The following ADK variants were observed in gnomAD, a reference collection of about 807,000 sequenced individuals.
The protein encoded by ADK is N6,N6-dimethyladenosine kinase.
In ADK, 24 loss-of-function variants were observed where a neutral mutation model predicts 44.7. That is an observed-to-expected ratio of 0.54 (90% confidence interval 0.39 to 0.76). The LOEUF (loss-of-function observed/expected upper bound fraction) is 0.76. Ranked by LOEUF, ADK falls within the 30% of genes least tolerant of loss-of-function variation. The pLI is 0.00. For synonymous variants in ADK, 128 were observed against 142.6 expected (o/e 0.90, Z 0.73); for missense variants, 321 against 425.1 (o/e 0.76, Z 2.15).
rs75174804 is a variant in ADK, at chr10:74,629,376, A to G, written c.877+28883A>G. On this transcript the variant is annotated intron_variant, in intron 9 of 10. Coordinates refer to ENST00000539909, the MANE Select transcript of ADK (RefSeq NM_006721.4). ...CTTAGAACTGTTACCCCAACTGTAT[A>G]AGTAAGTGCATCCTTAACTATCAAG... 5.9e-5 allele frequency among the ~76,000 whole-genome samples: 9 copies of G among 152,244 alleles called. No individual in the cohort carries two copies. In the East Asian group the frequency reaches 1.7e-3, roughly 29 times the overall value.
chr10:74,610,188 C>T (rs1178462511), intron 9 of ADK, among the ~76,000 whole-genome samples: 1 of 152,016 alleles, frequency 6.6e-6, no homozygotes, highest in Non-Finnish European at 1.5e-5. Context: ...AGCAGATGAA[C>T]AGATAAATAA....
At chr10:74,363,650 C>T (rs2131950423) in intron 4 of ADK, among the ~76,000 whole-genome samples, 1 of 152,110 alleles carries the variant, frequency 6.6e-6, no homozygotes, top group African/African-American at 2.4e-5. Flanking sequence ...TTCCTGGTTG[C>T]AGCAGGAAAG....
chr10:74,262,488 T>C (rs1846074373), intron 3 of ADK, among the ~76,000 whole-genome samples: 3 of 152,168 alleles, frequency 2.0e-5, no homozygotes, highest in Admixed American at 2.0e-4. Context: ...TTTGAGATTC[T>C]CCTACCTGAA....
At chr10:74,230,692 T>C (rs1424721117) in intron 3 of ADK, among the ~76,000 whole-genome samples, 1 of 151,732 alleles carries the variant, frequency 6.6e-6, no homozygotes, top group Non-Finnish European at 1.5e-5. Context: ...AACTTTTTTT[T>C]TTTTTTTTGA....
At chr10:74,668,239 CT>C (rs2134190319) in intron 9 of ADK, among the ~76,000 whole-genome samples, 1 of 151,924 alleles carries the variant, frequency 6.6e-6, no homozygotes, top group South Asian at 2.1e-4. Flanking sequence ...TGGTACAGAC[CT>C]TTTCCTAAAT....
chr10:74,504,061 CA>C (rs1360841872), intron 6 of ADK, among the ~76,000 whole-genome samples: 6 of 152,200 alleles, frequency 3.9e-5, no homozygotes, highest in African/African-American at 9.7e-5. Context: ...AGACTTATCT[CA>C]AGGTGTTTAA....
intron 4 of ADK, among the ~76,000 whole-genome samples, chr10:74,322,185 G>T (rs10824149): frequency 0.64 from 97,951 of 152,008 alleles, 32,889 homozygotes; most frequent in Middle Eastern, 0.79. Flanking sequence ...ATACTTCTGT[G>T]CATCGGAACA....
chr10:74,510,171 T>A (rs1385027151), intron 6 of ADK, among the ~76,000 whole-genome samples: 2 of 152,196 alleles, frequency 1.3e-5, no homozygotes, highest in African/African-American at 4.8e-5. Flanking sequence ...TTCTCCATAG[T>A]GGCTATTCCC....
Position 74,297,981 on chromosome 10 carries a change from A to AT in ADK, c.195-16676dup, listed in dbSNP as rs530756625. Among the ~76,000 whole-genome samples the AT allele has an allele frequency of 7.6e-4, 114 of 150,276 alleles. 1 individual carries two copies. The highest frequency in any genetic ancestry group is 5.7e-3 in the East Asian group (29 of 5,124). On this transcript the variant is annotated intron_variant, in intron 3 of 10. Transcript: ENST00000539909. The stretch of plus-strand genomic sequence containing the variant: ...ATGTATTGCTGTGCTATAACACTGT[A>AT]TTTTTTTTTTATTACTAGGGCATAC...
chr10:74,205,599 C>T (rs1395211131), intron 2 of ADK, among the ~76,000 whole-genome samples: 1 of 147,092 alleles, frequency 6.8e-6, no homozygotes, highest in African/African-American at 2.5e-5. Flanking sequence ...TCGGGTGAAC[C>T]TGGGAGGCGG....
intron 2 of ADK, among the ~76,000 whole-genome samples, chr10:74,205,722 A>G (rs964837985): frequency 1.3e-5 from 2 of 151,532 alleles, no homozygotes; most frequent in Non-Finnish European, 2.9e-5. Context: ...AATTCACTAT[A>G]GTAAGAAACT....
At chr10:74,387,881 A>T (rs1182227575) in intron 4 of ADK, among the ~76,000 whole-genome samples, 5 of 151,972 alleles carry the variant, frequency 3.3e-5, no homozygotes, top group African/African-American at 1.2e-4. Context: ...GTAGGTTGTT[A>T]GTCAATTTCT....
intron 5 of ADK, among the ~76,000 whole-genome samples, chr10:74,394,976 C>T (rs1007331115): frequency 1.3e-5 from 2 of 152,118 alleles, no homozygotes; most frequent in African/African-American, 4.8e-5. Context: ...TTCTTTTGTA[C>T]CCACATGGAG....
chr10:74,630,473 C>T (rs528826940), intron 9 of ADK, among the ~76,000 whole-genome samples: 1 of 151,966 alleles, frequency 6.6e-6, no homozygotes, highest in African/African-American at 2.4e-5. Context: ...GAGTACTGGC[C>T]AGTTATTTTA....
At chr10:74,469,988 T>G (rs1846504734) in intron 6 of ADK, among the ~76,000 whole-genome samples, 1 of 151,978 alleles carries the variant, frequency 6.6e-6, no homozygotes, top group Non-Finnish European at 1.5e-5. Flanking sequence ...CTCTTTTTTT[T>G]AGGCCAAGTA....
chr10:74,400,527 C>G (rs1428382595), intron 6 of ADK, among the ~76,000 whole-genome samples: 1 of 152,180 alleles, frequency 6.6e-6, no homozygotes, highest in Non-Finnish European at 1.5e-5. Context: ...TTTTGCAAAT[C>G]TGTAATTCCC....
intron 3 of ADK, among the ~76,000 whole-genome samples, chr10:74,225,671 T>TA (rs1393024547): frequency 1.2e-4 from 18 of 152,338 alleles, no homozygotes; most frequent in African/African-American, 4.1e-4. Context: ...TATGCGTTCT[T>TA]ACCGTTTACA....
At chr10:74,506,867 A>C (rs1848096415) in intron 6 of ADK, among the ~76,000 whole-genome samples, 1 of 152,212 alleles carries the variant, frequency 6.6e-6, no homozygotes, top group African/African-American at 2.4e-5. Context: ...AATTTTTATC[A>C]ATATTTCTAG....
intron 6 of ADK, among the ~76,000 whole-genome samples, chr10:74,515,159 G>T (rs1395787531): frequency 6.6e-6 from 1 of 152,118 alleles, no homozygotes; most frequent in Non-Finnish European, 1.5e-5. Flanking sequence ...ATGAGTCTTG[G>T]GTTGTTGGTT....
Sources: allele counts gnomAD v4.1 joint callset (sites outside exome capture counted in the v4.1 genomes callset), GRCh38; gene constraint gnomAD v4.1.1; transcripts MANE v1.5; gene names NCBI Gene and HGNC (gene_info 2026-07-23, HGNC 2026-07-21).